TAFA5: variants seen among roughly 807,000 people sequenced by gnomAD.
TAFA5 encodes chemokine-like protein TAFA-5.
A neutral mutation model predicts 15.3 loss-of-function variants in TAFA5; 6 were observed. That is an observed-to-expected ratio of 0.39 (90% CI 0.21 to 0.77). The LOEUF (loss-of-function observed/expected upper bound fraction) is 0.77, where lower values mean the gene tolerates loss of function less well. Ranked by LOEUF, TAFA5 falls within the 30% of genes least tolerant of loss-of-function variation. The pLI is 0.41. For synonymous variants in TAFA5, 103 were observed against 80.7 expected (o/e 1.28, Z -1.48); for missense variants, 161 against 193.1 (o/e 0.83, Z 0.98).
intron 1 of TAFA5, among the ~76,000 whole-genome samples, chr22:48,533,444 C>T (rs943458093): frequency 3.9e-5 from 6 of 152,188 alleles, no homozygotes; most frequent in Admixed American, 2.0e-4. Context: ...TCTCTCAGCA[C>T]GAGGTCTTCA....
At chr22:48,498,180 G>T (rs1601834559) in intron 1 of TAFA5, among the ~76,000 whole-genome samples, 4 of 13,544 alleles carry the variant, frequency 3.0e-4, no homozygotes, top group Admixed American at 2.2e-3. Context: ...GGTAGGAGAG[G>T]CTGCAAGCCT....
At chr22:48,747,582 T>C (rs1930363817) in intron 3 of TAFA5, among the ~76,000 whole-genome samples, 1 of 152,096 alleles carries the variant, frequency 6.6e-6, no homozygotes, top group African/African-American at 2.4e-5. Flanking sequence ...ACTGGAACCT[T>C]TAGTATGGGC....
At chr22:48,678,800 A>C (rs1040048853) in intron 2 of TAFA5, among the ~76,000 whole-genome samples, 2 of 151,798 alleles carry the variant, frequency 1.3e-5, no homozygotes, top group African/African-American at 4.8e-5. Context: ...TGTGTATTTC[A>C]AAGACCTCAG....
intron 2 of TAFA5, among the ~76,000 whole-genome samples, chr22:48,648,871 G>T (rs190605829): frequency 1.6e-4 from 24 of 152,320 alleles, no homozygotes; most frequent in Admixed American, 1.4e-3. Context: ...CCGGGAGAAA[G>T]GTGTTCTAAT....
chr22:48,521,092 C>T lies in TAFA5; in HGVS notation c.112+31388C>T, dbSNP rs148842211. 5.6e-4 allele frequency among the ~76,000 whole-genome samples: 85 copies of T among 152,282 alleles called. 1 individual carries two copies. In the East Asian group the frequency reaches 0.015, roughly 27 times the overall value. On this transcript the variant is annotated intron_variant, in intron 1 of 3. Coordinates refer to ENST00000402357, the MANE Select transcript of TAFA5 (RefSeq NM_001082967.3). ...CCTGTTGAATTCTTCCCACCACGGC[C>T]GTAACCGTGCAGGATCCAGGGCATG... is the stretch of plus-strand genomic sequence containing the variant.
chr22:48,656,573 C>A (rs374758992), intron 2 of TAFA5, among the ~76,000 whole-genome samples: 1 of 151,746 alleles, frequency 6.6e-6, no homozygotes, highest in Non-Finnish European at 1.5e-5. Context: ...CCAAAAATAT[C>A]CACGTGAACA....
chr22:48,564,170 C>T (rs1031905027), intron 1 of TAFA5, among the ~76,000 whole-genome samples: 5 of 152,190 alleles, frequency 3.3e-5, no homozygotes, highest in Admixed American at 6.5e-5. Flanking sequence ...ACTGTGAAAA[C>T]GGAGGAAGAC....
chr22:48,585,087 C>T (rs529085399), intron 1 of TAFA5, among the ~76,000 whole-genome samples: 348 of 147,794 alleles, frequency 2.4e-3, no homozygotes, highest in African/African-American at 8.2e-3. Flanking sequence ...ACACTACACA[C>T]ACAGCACACA....
At chr22:48,642,768 G>A (rs1926729091) in intron 1 of TAFA5, among the ~76,000 whole-genome samples, 1 of 152,128 alleles carries the variant, frequency 6.6e-6, no homozygotes, top group Non-Finnish European at 1.5e-5. Flanking sequence ...GTCAGTGTGT[G>A]GTATGTACAT....
chr22:48,554,970 A>G (rs902172752), intron 1 of TAFA5, among the ~76,000 whole-genome samples: 1 of 152,184 alleles, frequency 6.6e-6, no homozygotes, highest in African/African-American at 2.4e-5. Flanking sequence ...GCGGGGGCCC[A>G]GGGTGGCAAT....
At chr22:48,628,594 A>G (rs1327933112) in intron 1 of TAFA5, among the ~76,000 whole-genome samples, 2 of 152,194 alleles carry the variant, frequency 1.3e-5, no homozygotes, top group Admixed American at 1.3e-4. Context: ...CACCCCCTCC[A>G]GGAGAGGCGA....
chr22:48,609,525 C>T (rs958402856), intron 1 of TAFA5, among the ~76,000 whole-genome samples: 6 of 152,108 alleles, frequency 3.9e-5, no homozygotes, highest in South Asian at 2.1e-4. Flanking sequence ...CCTTGGACCT[C>T]GCCTCTGTCC....
intron 1 of TAFA5, among the ~76,000 whole-genome samples, chr22:48,526,584 G>A (rs968591522): frequency 2.6e-5 from 4 of 152,206 alleles, no homozygotes; most frequent in African/African-American, 7.2e-5. Flanking sequence ...TGCTGGCCCC[G>A]GAGCTCCTGC....
At chr22:48,555,539 G>C (rs1283827795) in intron 1 of TAFA5, among the ~76,000 whole-genome samples, 1 of 152,222 alleles carries the variant, frequency 6.6e-6, no homozygotes, top group African/African-American at 2.4e-5. Context: ...ATCTTTATGG[G>C]AAGAGGGAGA....
chr22:48,677,403 G>A (rs956629385), intron 2 of TAFA5, among the ~76,000 whole-genome samples: 2 of 152,220 alleles, frequency 1.3e-5, no homozygotes, highest in African/African-American at 2.4e-5. Flanking sequence ...CAGGGTGGCC[G>A]GGCCACGCGA....
chr22:48,512,472 G>A (rs1391018693), intron 1 of TAFA5, among the ~76,000 whole-genome samples: 1 of 152,124 alleles, frequency 6.6e-6, no homozygotes, highest in Non-Finnish European at 1.5e-5. Flanking sequence ...GCCGGGTGCA[G>A]TGGTGGGCAC....
At chr22:48,587,909 C>T (rs960412432) in intron 1 of TAFA5, among the ~76,000 whole-genome samples, 1 of 152,262 alleles carries the variant, frequency 6.6e-6, no homozygotes, top group Admixed American at 6.5e-5. Context: ...CAGAAGCAGC[C>T]CTCCCTCCCA....
chr22:48,539,705 C>T (rs200378778), intron 1 of TAFA5, among the ~76,000 whole-genome samples: 3 of 152,164 alleles, frequency 2.0e-5, no homozygotes, highest in South Asian at 2.1e-4. Flanking sequence ...CCAGCAATGT[C>T]GCTGGAGTTC....
At chr22:48,621,270 C>T (rs1925828227) in intron 1 of TAFA5, among the ~76,000 whole-genome samples, 1 of 147,152 alleles carries the variant, frequency 6.8e-6, no homozygotes, top group South Asian at 2.2e-4. Context: ...TACCTATCCA[C>T]CCACTCACCA....
Sources: gnomAD v4.1 joint callset for allele counts (sites outside exome capture counted in the v4.1 genomes callset) on GRCh38, gnomAD v4.1.1 for gene constraint, MANE v1.5 for transcripts, NCBI Gene and HGNC (gene_info 2026-07-23, HGNC 2026-07-21) for gene names.